DNAJC11: variants seen among roughly 807,000 people sequenced by gnomAD.
The protein encoded by DNAJC11 is dnaJ homolog subfamily C member 11.
A neutral mutation model predicts 78.6 loss-of-function variants in DNAJC11; 15 were observed. The observed-to-expected ratio is 0.19, with a 90% CI of 0.13 to 0.29. The LOEUF is 0.29. Among genes scored for constraint, DNAJC11 ranks in the 10% least tolerant of loss-of-function variants. DNAJC11 has a pLI of 1.00. For synonymous variants in DNAJC11, 292 were observed against 272.1 expected (o/e 1.07, Z -0.72); for missense variants, 547 against 709.6 (o/e 0.77, Z 2.60).
chr1:6,685,209 T>C lies in DNAJC11; in HGVS notation c.73-4172A>G, dbSNP rs763259738. 1.5e-4 allele frequency among the ~76,000 whole-genome samples: 23 copies of C among 152,342 alleles called. No individual in the cohort carries two copies. The East Asian group carries it at 3.9e-3, about 26-fold the overall frequency. On this transcript the variant is annotated intron_variant, in intron 1 of 15. Transcript: ENST00000377577. ...TCTGGATAATATGTCTGTACCACGA[T>C]TGCATTTGGTTAGGCTAGGCTAGAT... is the stretch of plus-strand genomic sequence containing the variant.
chr1:6,660,820 T>C (rs1642199884), intron 4 of DNAJC11, among the ~76,000 whole-genome samples: 1 of 152,242 alleles, frequency 6.6e-6, no homozygotes, highest in African/African-American at 2.4e-5. Context: ...CAACTGTGAA[T>C]GTGATAAACA....
At chr1:6,687,131 T>C (rs535264304) in intron 1 of DNAJC11, among the ~76,000 whole-genome samples, 3 of 152,356 alleles carry the variant, frequency 2.0e-5, no homozygotes, top group South Asian at 2.1e-4. Context: ...CAAGACAGCA[T>C]GGGTGCTTTG....
At chr1:6,674,274 G>C (rs566382339) in intron 3 of DNAJC11, among the ~76,000 whole-genome samples, 3 of 152,036 alleles carry the variant, frequency 2.0e-5, no homozygotes, top group African/African-American at 4.8e-5. Flanking sequence ...AAAAAAAAGT[G>C]GGGGGGCTGG....
In DNAJC11 at chr1:6,693,728, C is replaced by G. The variant is rs562387822; in HGVS notation, c.72+8001G>C. ...TAGACGGAGTCTCGCTTTTTATAGA[C>G]AAAGTCTCGCTCTGTCGCCCAGCCT... On this transcript the variant is annotated intron_variant, in intron 1 of 15. Transcript: ENST00000377577. 9.9e-5 allele frequency among the ~76,000 whole-genome samples: 15 copies of G among 151,992 alleles called. No individual in the cohort carries two copies. In the South Asian group the frequency reaches 3.1e-3, roughly 32 times the overall value.
chr1:6,667,814 T>G lies in DNAJC11; in HGVS notation c.277-4A>C. 6.2e-7 allele frequency: 1 copy of G among 1,613,284 alleles called. No homozygotes were observed. The highest frequency in any genetic ancestry group is 8.5e-7 in the Non-Finnish European group (1 of 1,179,708). ...GGGTTCTCCTCCTTTCCACAACCTA[T>G]GCACAGAATCAAGATGGGAAGACAG... On this transcript the variant is annotated splice_region_variant and splice_polypyrimidine_tract_variant and intron_variant, in intron 3 of 15. Transcript: ENST00000377577.
Position 6,637,302 on chromosome 1 carries a change from T to G in DNAJC11, c.1420A>C (p.Asn474His). 6.2e-7 allele frequency: 1 copy of G among 1,614,142 alleles called. No homozygotes were observed. Among genetic ancestry groups the G allele is most frequent in the Non-Finnish European group, 8.5e-7 (1 of 1,180,036 alleles). ...IVNAWYGKFVNDKSRKSEKVK... is the reference protein window; with the variant it reads ...IVNAWYGKFVHDKSRKSEKVK... ...TTCTCGCTCTTCCTGCTCTTGTCAT[T>G]GACAAACTTCCCGTACCAGGCATTG... The change falls in exon 14 of 16, where the codon AAT (asparagine) becomes CAT (histidine). Residue 474 changes from asparagine to histidine, a missense_variant. Transcript: ENST00000377577.
chr1:6,701,324 T>C (rs958222900), intron 1 of DNAJC11, among the ~76,000 whole-genome samples: 1 of 152,122 alleles, frequency 6.6e-6, no homozygotes, highest in Non-Finnish European at 1.5e-5. Flanking sequence ...CAGTTCGCCA[T>C]CCTGCTGGCG....
At chr1:6,651,275 G>A in intron 7 of DNAJC11, 1 of 655,170 alleles carries the variant, frequency 1.5e-6, no homozygotes, top group Non-Finnish European at 2.9e-6. Context: ...TTGTGGCATA[G>A]GTAAGGGAGG....
Position 6,636,262 on chromosome 1 carries a change from T to A in DNAJC11, c.1525-16A>T. 1.2e-6 allele frequency: 2 copies of A among 1,613,414 alleles called. No individual in the cohort carries two copies. The highest frequency in any genetic ancestry group is 1.7e-6 in the Non-Finnish European group (2 of 1,179,726). ...GCAGCCCAGCCTGTAACAAACAAAT[T>A]GCTACTCTCAATACTCCAGACGGTC... is the stretch of plus-strand genomic sequence containing the variant. On this transcript the variant is annotated splice_polypyrimidine_tract_variant and intron_variant, in intron 14 of 15. Transcript: ENST00000377577.
intron 7 of DNAJC11, chr1:6,651,036 C>G (rs746198298): frequency 1.9e-6 from 1 of 533,392 alleles, no homozygotes; most frequent in Non-Finnish European, 3.8e-6. Context: ...AATGAAGACA[C>G]TGCTGTCGTT....
intron 6 of DNAJC11, among the ~76,000 whole-genome samples, 154 bp from the exon 7 acceptor site, chr1:6,651,756 C>T (rs1642057724): frequency 6.6e-6 from 1 of 152,232 alleles, no homozygotes; most frequent in Non-Finnish European, 1.5e-5. Context: ...GTTAATGTCT[C>T]ATCTTAACCT....
At chr1:6,638,690 T>G (rs1223489481) in intron 11 of DNAJC11, among the ~76,000 whole-genome samples, 1 of 152,198 alleles carries the variant, frequency 6.6e-6, no homozygotes, top group Admixed American at 6.5e-5. Context: ...TATTATTTTT[T>G]TAATTTTAAT....
intron 9 of DNAJC11, 50 bp downstream of exon 9, chr1:6,644,991 A>G (rs769343202): frequency 6.5e-7 from 1 of 1,530,864 alleles, no homozygotes. Flanking sequence ...CACTGTGAAG[A>G]CCCGCATGCA....
chr1:6,652,065 G>T (rs1243901228), intron 6 of DNAJC11, among the ~76,000 whole-genome samples: 3 of 152,186 alleles, frequency 2.0e-5, no homozygotes, highest in Non-Finnish European at 4.4e-5. Flanking sequence ...GGAGCCTGAT[G>T]TTAAAGCCCA....
chr1:6,681,160 G>A, intron 1 of DNAJC11, 123 bp from the exon 2 acceptor site: 1 of 1,054,822 alleles, frequency 9.5e-7, no homozygotes, highest in Non-Finnish European at 1.3e-6. Flanking sequence ...CGACATACAG[G>A]ATGTAATGAA....
At chr1:6,642,285 T>C (rs1354612453) in intron 10 of DNAJC11, among the ~76,000 whole-genome samples, 1 of 152,108 alleles carries the variant, frequency 6.6e-6, no homozygotes, top group Non-Finnish European at 1.5e-5. Flanking sequence ...CTGCCTTCAA[T>C]TTTAAAAAGG....
intron 12 of DNAJC11, chr1:6,637,852 C>T (rs1425925170): frequency 4.7e-6 from 2 of 428,192 alleles, no homozygotes; most frequent in Admixed American, 7.9e-5. Context: ...AGAGATTTCA[C>T]AGGAGAAGCT....
intron 7 of DNAJC11, among the ~76,000 whole-genome samples, chr1:6,646,570 G>A (rs779834069): frequency 1.9e-4 from 29 of 152,168 alleles, no homozygotes; most frequent in Non-Finnish European, 3.5e-4. Flanking sequence ...TGGAGCTGCT[G>A]TGTGATTTCT....
At chr1:6,635,986 G>A in intron 15 of DNAJC11, 131 bp downstream of exon 15, 1 of 1,313,946 alleles carries the variant, frequency 7.6e-7, no homozygotes, top group African/African-American at 1.5e-5. Context: ...TGGGTCAAGG[G>A]CTAGTTGGCG....
Sources: gnomAD v4.1 joint callset for allele counts (sites outside exome capture counted in the v4.1 genomes callset) on GRCh38, gnomAD v4.1.1 for gene constraint, MANE v1.5 for transcripts, NCBI Gene and HGNC (gene_info 2026-07-23, HGNC 2026-07-21) for gene names.